Variants in MTRF1 observed in about 807,000 individuals in gnomAD.
MTRF1 encodes peptide chain release factor 1, mitochondrial.
A neutral mutation model predicts 62.9 loss-of-function variants in MTRF1; 51 were observed. The observed-to-expected ratio is 0.81, with a 90% CI of 0.65 to 1.02. The LOEUF (loss-of-function observed/expected upper bound fraction) is 1.02. Ranked by LOEUF, MTRF1 falls within the 50% of genes least tolerant of loss-of-function variation. MTRF1 has a pLI of 0.00. For missense variants in MTRF1, 446 were observed against 530.0 expected, an observed-to-expected ratio of 0.84 and a Z score of 1.56; for synonymous variants, 158 against 181.9, an observed-to-expected ratio of 0.87 and a Z score of 1.06.
the MTRF1 span, chr13:41,288,366 C>T: frequency 4.6e-6 from 1 of 219,576 alleles, no homozygotes; most frequent in Non-Finnish European, 9.2e-6. Flanking sequence ...GGCACTAAGG[C>T]AAGAAGTGGT....
the MTRF1 span, among the ~76,000 whole-genome samples, chr13:41,299,886 A>G: frequency 3.3e-5 from 5 of 152,242 alleles, no homozygotes; most frequent in Non-Finnish European, 7.3e-5. Context: ...AAATCACTAA[A>G]GAATAACAAA....
chr13:41,278,476 T>C, the MTRF1 span, among the ~76,000 whole-genome samples: 1 of 152,188 alleles, frequency 6.6e-6, no homozygotes, highest in African/African-American at 2.4e-5. Flanking sequence ...GAGGATGAAG[T>C]AAAGTTACAA....
At chr13:41,259,205 A>G (rs9315819) in intron 2 of MTRF1, among the ~76,000 whole-genome samples, 108,164 of 151,786 alleles carry the variant, frequency 0.71, 38,817 homozygotes, top group African/African-American at 0.73. Flanking sequence ...AAAACAGTCT[A>G]GCACTTCCTC....
At chr13:41,234,593 A>G (rs898900251) in intron 6 of MTRF1, among the ~76,000 whole-genome samples, 4 of 152,194 alleles carry the variant, frequency 2.6e-5, no homozygotes, top group African/African-American at 9.7e-5. Flanking sequence ...AACCCCAAAA[A>G]TATATAAAAT....
chr13:41,223,324 G>A lies in MTRF1; in HGVS notation c.1156C>T (p.Arg386Trp), dbSNP rs1344102540. The change falls in exon 9 of 10, where the codon CGG becomes TGG. Residue 386 changes from arginine (R) to tryptophan (W), a missense_variant. Transcript: ENST00000379480. Reference sequence around the variant, plus strand: ...CTATCCTGGGTGAAATTATATGTCCGAATTCGCTCTGACTGGGCTCTTGTT... The same window carrying A: ...CTATCCTGGGTGAAATTATATGTCCAAATTCGCTCTGACTGGGCTCTTGTT... Reference protein sequence around the residue: ...VGTRAQSERIRTYNFTQDRVS... With the variant: ...VGTRAQSERIWTYNFTQDRVS... 10 of 1,613,858 alleles carry A rather than the reference G, an allele frequency of 6.2e-6. No homozygotes were observed. Among genetic ancestry groups the A allele is most frequent in the South Asian group, 2.2e-5 (2 of 91,074 alleles).
At chr13:41,224,570 CAA>C (rs2138702995) in intron 8 of MTRF1, among the ~76,000 whole-genome samples, 1 of 152,218 alleles carries the variant, frequency 6.6e-6, no homozygotes, top group African/African-American at 2.4e-5. Flanking sequence ...GACAATCAGC[CAA>C]GTTTGGAAAC....
At chr13:41,268,426 G>A (rs1262060786), upstream of MTRF1, among the ~76,000 whole-genome samples, 1 of 152,030 alleles carries the variant, frequency 6.6e-6, no homozygotes, top group Non-Finnish European at 1.5e-5. Context: ...ACAGATCATC[G>A]TAAGTCATTC....
intron 5 of MTRF1, among the ~76,000 whole-genome samples, chr13:41,249,078 T>G (rs2038671899): frequency 8.2e-6 from 1 of 122,252 alleles, no homozygotes; most frequent in South Asian, 3.1e-4. Flanking sequence ...CTTTTAGTGC[T>G]ATGTGAATCT....
rs1280319062 is a variant in MTRF1 at position 41,216,892 on chromosome 13, G to A, written c.*223C>T. 4 of 307,520 alleles carry A rather than the reference G, an allele frequency of 1.3e-5. No individual in the cohort carries two copies. Among genetic ancestry groups the A allele is most frequent in the Non-Finnish European group, 2.4e-5 (4 of 170,050 alleles). The allele number at this position is 307,520 out of a possible 1,614,324, so 19.0% of individuals were successfully genotyped here. ...ATACTTTCTCTTTTCAATGATGCAT[G>A]CTTATTTTCTACTTGATGAGTTGGA... On this transcript the variant is annotated 3_prime_UTR_variant, in exon 10 of 10. Coordinates refer to ENST00000379480, the MANE Select transcript of MTRF1 (RefSeq NM_004294.4).
the MTRF1 span, among the ~76,000 whole-genome samples, chr13:41,284,300 A>G: frequency 6.6e-6 from 1 of 151,550 alleles, no homozygotes; most frequent in Non-Finnish European, 1.5e-5. Flanking sequence ...AGCCTGGCCA[A>G]CATGGCAAAA....
chr13:41,265,148 C>T (rs566713014), upstream of MTRF1, among the ~76,000 whole-genome samples: 78 of 152,044 alleles, frequency 5.1e-4, 1 homozygote, highest in Non-Finnish European at 8.2e-4. Context: ...CTTAGTCGGG[C>T]GTGGTGGTTC....
the MTRF1 span, among the ~76,000 whole-genome samples, chr13:41,293,609 G>C: frequency 1.3e-5 from 2 of 152,132 alleles, no homozygotes; most frequent in Non-Finnish European, 2.9e-5. Flanking sequence ...TTCACTTTAA[G>C]GCTCTTATTT....
the MTRF1 span, among the ~76,000 whole-genome samples, chr13:41,276,026 C>T: frequency 1.3e-5 from 2 of 152,100 alleles, no homozygotes; most frequent in Admixed American, 6.5e-5. Context: ...TTTTCTACAA[C>T]TTATAGGAGT....
chr13:41,264,153 A>G (rs1177844432), upstream of MTRF1, among the ~76,000 whole-genome samples: 1 of 152,252 alleles, frequency 6.6e-6, no homozygotes, highest in Non-Finnish European at 1.5e-5. Context: ...TGTAATTTCT[A>G]TACTTTCAGC....
At chr13:41,261,782 T>G in intron 1 of MTRF1, 1 of 985,248 alleles carries the variant, frequency 1.0e-6, no homozygotes, top group Non-Finnish European at 1.2e-6. Flanking sequence ...TCACTCTCAA[T>G]TGTGCAATCA....
At chr13:41,249,933 G>T (rs1446910244) in intron 5 of MTRF1, among the ~76,000 whole-genome samples, 2 of 151,792 alleles carry the variant, frequency 1.3e-5, no homozygotes, top group East Asian at 1.9e-4. Context: ...TAACTTTAAA[G>T]ATATATGAGT....
At chr13:41,307,132 C>T in the MTRF1 span, among the ~76,000 whole-genome samples, 1 of 152,142 alleles carries the variant, frequency 6.6e-6, no homozygotes, top group South Asian at 2.1e-4. Flanking sequence ...TTCCCTCCCT[C>T]TCCCCTCACC....
chr13:41,248,545 T>C (rs2038596477), intron 5 of MTRF1, among the ~76,000 whole-genome samples: 1 of 152,158 alleles, frequency 6.6e-6, no homozygotes, highest in African/African-American at 2.4e-5. Context: ...TACATTTAGG[T>C]TTCCCAATTC....
intron 2 of MTRF1, among the ~76,000 whole-genome samples, chr13:41,257,264 A>C (rs1292876616): frequency 6.6e-6 from 1 of 152,220 alleles, no homozygotes; most frequent in Non-Finnish European, 1.5e-5. Flanking sequence ...ACTTATAGAC[A>C]ATGGGAACAG....
Sources: gnomAD v4.1 joint callset for allele counts (sites outside exome capture counted in the v4.1 genomes callset) on GRCh38, gnomAD v4.1.1 for gene constraint, MANE v1.5 for transcripts, NCBI Gene and HGNC (gene_info 2026-07-23, HGNC 2026-07-21) for gene names.